Variants in FAM240C observed in about 807,000 individuals in gnomAD.
The protein encoded by FAM240C is protein FAM240C.
In FAM240C, 14 loss-of-function variants were observed where a neutral mutation model predicts 10.0. That is an observed-to-expected ratio of 1.40 (90% CI 0.92 to 2.19). FAM240C has a LOEUF of 2.19. FAM240C is among the 30% of genes most tolerant of loss of function. The pLI is 0.00. For synonymous variants in FAM240C, 49 were observed against 44.3 expected, an observed-to-expected ratio of 1.11 and a Z score of -0.42; for missense variants, 154 against 122.3, an observed-to-expected ratio of 1.26 and a Z score of -1.22.
In FAM240C at chr2:241,897,173, C is replaced by T. The variant is rs1187323417; in HGVS notation, c.161+13G>A. On this transcript the variant is annotated intron_variant, in intron 2 of 2. Transcript: ENST00000404031. ...GCATAGGGGTCCCCGATGCACTGCACACCCCGACTCACTTGTTCAGAGCGC... is the reference window on the plus strand; with the variant it reads ...GCATAGGGGTCCCCGATGCACTGCATACCCCGACTCACTTGTTCAGAGCGC... The T allele has an allele frequency of 4.5e-6, 7 of 1,549,124 alleles. No homozygotes were observed. The highest frequency in any genetic ancestry group is 2.4e-5 in the East Asian group (1 of 40,922).
Position 241,894,329 on chromosome 2 carries a change from C to T in FAM240C, c.172G>A (p.Gly58Arg). The T allele has an allele frequency of 5.8e-6, 9 of 1,545,760 alleles. No individual in the cohort carries two copies. The highest frequency in any genetic ancestry group is 7.9e-6 in the Non-Finnish European group (9 of 1,144,822). The change falls in exon 3 of 3, where the codon GGA becomes AGA. Residue 58 changes from glycine to arginine, a missense_variant. Coordinates refer to ENST00000404031, the MANE Select transcript of FAM240C (RefSeq NM_001382368.1). Reference sequence around the variant, plus strand: ...CTCCCCTCCAGCTGCTCAGCCCATCCCACGCGGAGCCTGGGGCAGGGCGAT... The same window carrying T: ...CTCCCCTCCAGCTGCTCAGCCCATCTCACGCGGAGCCTGGGGCAGGGCGAT... The part of the protein sequence containing the change: ...RRSALNKLRV[G>R]WAEQLEGRNK...
At chr2:241,894,650 G>A (rs946003889) in intron 2 of FAM240C, among the ~76,000 whole-genome samples, 1 of 151,328 alleles carries the variant, frequency 6.6e-6, no homozygotes, top group South Asian at 2.1e-4. Flanking sequence ...AGCAGCCTGG[G>A]TCCCCAGTTC....
chr2:241,897,249 A>G lies in FAM240C; in HGVS notation c.98T>C (p.Ile33Thr). The stretch of plus-strand genomic sequence containing the variant: ...CTGCAGGTGTCTTGCGTGATGCTCG[A>G]TTTTTTTCTCCCAAAACATCTTTAT... Reference protein sequence around the residue: ...GGIKMFWEKKIEHHARHLQNE... With the variant: ...GGIKMFWEKKTEHHARHLQNE... The change falls in exon 2 of 3, where the codon ATC becomes ACC. Residue 33 changes from isoleucine (I) to threonine (T), a missense_variant. Coordinates refer to ENST00000404031, the MANE Select transcript of FAM240C (RefSeq NM_001382368.1). 6.5e-7 allele frequency: 1 copy of G among 1,549,804 alleles called. No individual in the cohort carries two copies. The highest frequency in any genetic ancestry group is 8.7e-7 in the Non-Finnish European group (1 of 1,146,510).
At chr2:241,895,889 A>G (rs1175406374) in intron 2 of FAM240C, among the ~76,000 whole-genome samples, 1 of 150,776 alleles carries the variant, frequency 6.6e-6, no homozygotes, top group Non-Finnish European at 1.5e-5. Context: ...GGAGGCACGT[A>G]GGCACACACA....
In FAM240C at chr2:241,897,286, C is replaced by G; in HGVS notation, c.61G>C (p.Asp21His). The change falls in exon 2 of 3, where the codon GAT becomes CAT. Residue 21 changes from aspartate (D) to histidine (H), a missense_variant. Physicochemically the swap from Asp to His is moderately conservative, Grantham distance 81. Transcript: ENST00000404031. ...TLKNPGRVAY[D>H]SGGIKMFWEK... ...CAAAACATCTTTATCCCGCCTGAAT[C>G]GTATGCTACTCTTCCAGGATTCTTA... is the stretch of plus-strand genomic sequence containing the variant. The G allele has an allele frequency of 6.5e-7, 1 of 1,549,812 alleles. No individual in the cohort carries two copies. Among genetic ancestry groups the G allele is most frequent in the Non-Finnish European group, 8.7e-7 (1 of 1,146,526 alleles).
At chr2:241,895,638 C>T (rs1275145237) in intron 2 of FAM240C, among the ~76,000 whole-genome samples, 1 of 152,210 alleles carries the variant, frequency 6.6e-6, no homozygotes. Flanking sequence ...TGGTTGGCCT[C>T]GTGGCCTGGG....
Position 241,894,225 on chromosome 2 carries a change from C to G in FAM240C, c.276G>C (p.Lys92Asn). 1 of 1,549,702 alleles carries G rather than the reference C, an allele frequency of 6.5e-7. No individual in the cohort carries two copies. Among genetic ancestry groups the G allele is most frequent in the Non-Finnish European group, 8.7e-7 (1 of 1,146,488 alleles). Residue 92 changes from lysine to asparagine, a missense_variant, in exon 3 of 3, where the codon AAG (lysine) becomes AAC (asparagine). Physicochemically the swap from Lys to Asn is moderately conservative, Grantham distance 94. Coordinates refer to ENST00000404031, the MANE Select transcript of FAM240C (RefSeq NM_001382368.1). The stretch of plus-strand genomic sequence containing the variant: ...AGCTCGTGGGCCCTCAGGCCGCCTT[C>G]TTGTCCTTGGTGTGGAGGGACTCAG... The part of the protein sequence containing the change: ...EATESLHTKD[K>N]KAA
chr2:241,894,364 A>G (rs1194765980), intron 2 of FAM240C, 25 bp from the exon 3 acceptor site: 8 of 1,529,382 alleles, frequency 5.2e-6, no homozygotes, highest in African/African-American at 1.4e-5. Flanking sequence ...TAATTTCGGC[A>G]TTGTGAGTCA....
chr2:241,899,160 A>C (rs1187555780), intron 1 of FAM240C: 1 of 1,304,204 alleles, frequency 7.7e-7, no homozygotes, highest in East Asian at 5.5e-5. Flanking sequence ...AGCTCGGCTC[A>C]GGTTGCAATG....
In FAM240C at chr2:241,900,279, G is replaced by C; in HGVS notation, c.12+79C>G. ...TTGTGCCAGATATGTCACATACTCTGTTCACCTTTTGGGGGCCCCCAAATG... is the reference window on the plus strand; with the variant it reads ...TTGTGCCAGATATGTCACATACTCTCTTCACCTTTTGGGGGCCCCCAAATG... On this transcript the variant is annotated intron_variant, in intron 1 of 2. Coordinates refer to ENST00000404031, the MANE Select transcript of FAM240C (RefSeq NM_001382368.1). The surrounding 1 kb of genome is among the most constrained non-coding windows in gnomAD (Gnocchi z 4.5). 1 of 712,746 alleles carries C rather than the reference G, an allele frequency of 1.4e-6. No individual in the cohort carries two copies. Among genetic ancestry groups the C allele is most frequent in the South Asian group, 1.5e-5 (1 of 67,336 alleles). 44.2% of individuals were successfully genotyped at this position (712,746 alleles called of 1,614,324 possible). A position where few individuals can be genotyped will look rare whatever the true frequency, so the allele number is the denominator to read the frequency against.
Position 241,894,281 on chromosome 2 carries a change from C to T in FAM240C, c.220G>A (p.Gly74Arg), listed in dbSNP as rs1439947322. 11 of 1,549,782 alleles carry T rather than the reference C, an allele frequency of 7.1e-6. No individual in the cohort carries two copies. The highest frequency in any genetic ancestry group is 2.4e-5 in the East Asian group (1 of 40,928). ...EGRNKMLQGP[G>R]RCPDRVPEAT... ...TCCGGGACCCTGTCTGGGCATCTCC[C>T]TGGGCCCTGCAGCATCTTGTTCCTC... Residue 74 changes from glycine (G) to arginine (R), a missense_variant, in exon 3 of 3, where the codon GGG becomes AGG. By Grantham distance (125) the Gly-to-Arg change is moderately radical. Transcript: ENST00000404031.
At chr2:241,902,070 C>T (rs1016614985), upstream of FAM240C, among the ~76,000 whole-genome samples, 1 of 152,234 alleles carries the variant, frequency 6.6e-6, no homozygotes, top group African/African-American at 2.4e-5. This position sits in a 1 kb window ranked among gnomAD's most constrained non-coding sequence, Gnocchi z 7.1. Context: ...CAAGTGTGCA[C>T]TATCTGCAGT....
upstream of FAM240C, among the ~76,000 whole-genome samples, chr2:241,901,951 ACG>A (rs1467180290): frequency 6.6e-6 from 1 of 152,054 alleles, no homozygotes. This position sits in a 1 kb window ranked among gnomAD's most constrained non-coding sequence, Gnocchi z 4.9. Flanking sequence ...CTTCCTTCTG[ACG>A]TGTGTGCGGA....
chr2:241,899,593 C>G (rs1360444937), intron 1 of FAM240C, among the ~76,000 whole-genome samples: 1 of 152,232 alleles, frequency 6.6e-6, no homozygotes, highest in Non-Finnish European at 1.5e-5. Context: ...AACCGAGTAA[C>G]AGCTGGAAAA....
chr2:241,896,282 T>C (rs1227788659), intron 2 of FAM240C, among the ~76,000 whole-genome samples: 1 of 152,126 alleles, frequency 6.6e-6, no homozygotes, highest in Non-Finnish European at 1.5e-5. Flanking sequence ...TCAGCACCCA[T>C]AGACCCCTGG....
intron 2 of FAM240C, among the ~76,000 whole-genome samples, chr2:241,896,401 T>C (rs7600158): frequency 1 from 151,470 of 152,182 alleles, 75,382 homozygotes; most frequent in Middle Eastern, 1. Context: ...AGGGCAGTGA[T>C]CTCAGAAAAA....
At chr2:241,898,516 C>T (rs916304932) in intron 1 of FAM240C, among the ~76,000 whole-genome samples, 1 of 152,094 alleles carries the variant, frequency 6.6e-6, no homozygotes, top group Non-Finnish European at 1.5e-5. Context: ...TGCAGCACTG[C>T]ACTCCAGCCT....
chr2:241,897,704 TG>T (rs1701887481), intron 1 of FAM240C, among the ~76,000 whole-genome samples: 1 of 152,224 alleles, frequency 6.6e-6, no homozygotes, highest in East Asian at 1.9e-4. Flanking sequence ...GAGCGTTTCT[TG>T]GATGGGGCTG....
intron 2 of FAM240C, among the ~76,000 whole-genome samples, chr2:241,894,607 C>T (rs1406186335): frequency 6.7e-6 from 1 of 150,362 alleles, no homozygotes; most frequent in Admixed American, 6.6e-5. Context: ...TCAGGACCCT[C>T]CTCACAGGAG....
Sources: allele counts gnomAD v4.1 joint callset (sites outside exome capture counted in the v4.1 genomes callset), GRCh38; gene constraint gnomAD v4.1.1; non-coding constraint Gnocchi (gnomAD v3.1); transcripts MANE v1.5; gene names NCBI Gene and HGNC (gene_info 2026-07-23, HGNC 2026-07-21).